Variants in NAP1L1 observed in about 807,000 individuals in gnomAD.
The protein encoded by NAP1L1 is nucleosome assembly protein 1-like 1.
Under a neutral mutation model 58.9 loss-of-function variants are expected in NAP1L1, and 9 were observed. The observed-to-expected ratio is 0.15, with a 90% CI of 0.09 to 0.27. NAP1L1 has a LOEUF of 0.27. Among genes scored for constraint, NAP1L1 ranks in the 10% least tolerant of loss-of-function variants. NAP1L1 has a pLI of 1.00. For synonymous variants in NAP1L1, 130 were observed against 138.3 expected, an observed-to-expected ratio of 0.94 and a Z score of 0.42; for missense variants, 302 against 458.8, an observed-to-expected ratio of 0.66 and a Z score of 3.12.
intron 8 of NAP1L1, among the ~76,000 whole-genome samples, chr12:76,054,171 A>T (rs1276593722): frequency 6.6e-6 from 1 of 152,188 alleles, no homozygotes; most frequent in Non-Finnish European, 1.5e-5. Flanking sequence ...CTGGGATTAT[A>T]GGTGTGTGCC....
intron 11 of NAP1L1, among the ~76,000 whole-genome samples, chr12:76,051,813 A>C (rs571124723): frequency 1.4e-4 from 21 of 152,104 alleles, no homozygotes; most frequent in Non-Finnish European, 3.1e-4. Flanking sequence ...TCAGGAGTTC[A>C]AGACCAGCCT....
intron 9 of NAP1L1, 104 bp from the exon 10 acceptor site, chr12:76,053,454 A>G: frequency 7.6e-7 from 1 of 1,319,042 alleles, no homozygotes; most frequent in Non-Finnish European, 1.0e-6. Flanking sequence ...AGAAGGGTGA[A>G]TTGCTTCAAA....
chr12:76,053,740 A>C (rs549436398), intron 9 of NAP1L1, 30 bp downstream of exon 9: 1,202 of 1,594,724 alleles, frequency 7.5e-4, no homozygotes, highest in South Asian at 1.2e-3. Context: ...CAGAAAAAAC[A>C]TTTTGTTAAG....
At chr12:76,050,406 T>A (rs981624506) in intron 12 of NAP1L1, 125 bp downstream of exon 12, 33 of 1,198,914 alleles carry the variant, frequency 2.8e-5, no homozygotes, top group Admixed American at 5.6e-5. Context: ...ATACAGAACA[T>A]CAGTAATTAG....
At chr12:76,059,655 C>T (rs569174762) in intron 6 of NAP1L1, 143 bp downstream of exon 6, 9 of 607,264 alleles carry the variant, frequency 1.5e-5, no homozygotes, top group South Asian at 1.1e-4. Flanking sequence ...AATAGAAAAA[C>T]GTGTAATAAA....
At position 76,039,015 on chromosome 12, in the gene NAP1L1, T is replaced by A. The variant is rs796150387; in HGVS notation, c.*9414A>T. ...GGACTCCAATCATAATTAATCCTTT[T>A]GGGCCGTATTTAAAGAAAATTACTT... On this transcript the variant is annotated 3_prime_UTR_variant, in exon 15 of 15. Transcript: ENST00000618691. 6.6e-6 allele frequency: 1 copy of A among 152,202 alleles called. No individual in the cohort carries two copies. The highest frequency in any genetic ancestry group is 1.5e-5 in the Non-Finnish European group (1 of 68,036). 9.4% of individuals were successfully genotyped at this position (152,202 alleles called of 1,614,324 possible).
intron 13 of NAP1L1, 83 bp from the exon 14 acceptor site, chr12:76,049,333 G>A: frequency 6.2e-7 from 1 of 1,604,748 alleles, no homozygotes; most frequent in Non-Finnish European, 8.5e-7. Flanking sequence ...TTTAATACAA[G>A]TTACTCTACG....
At chr12:76,077,910 G>A (rs1335709337) in intron 1 of NAP1L1, among the ~76,000 whole-genome samples, 2 of 144,606 alleles carry the variant, frequency 1.4e-5, no homozygotes, top group Non-Finnish European at 3.0e-5. Flanking sequence ...CTTGAACCCA[G>A]AGGAGGAGGC....
intron 1 of NAP1L1, among the ~76,000 whole-genome samples, chr12:76,076,555 T>TATATATATATAG (rs1950183877): frequency 1.4e-4 from 1 of 7,276 alleles, no homozygotes; most frequent in Non-Finnish European, 3.2e-4. Flanking sequence ...TGGAAATATA[T>TATATATATATAG]ATATATATAT....
At chr12:76,062,846 C>T (rs1455535681) in intron 4 of NAP1L1, among the ~76,000 whole-genome samples, 1 of 152,108 alleles carries the variant, frequency 6.6e-6, no homozygotes, top group African/African-American at 2.4e-5. Flanking sequence ...TACTCTGCTT[C>T]CTAGACATGT....
intron 6 of NAP1L1, chr12:76,058,180 G>C (rs1173309933): frequency 1.9e-6 from 1 of 537,024 alleles, no homozygotes; most frequent in African/African-American, 2.5e-5. Context: ...TATGGCCAAA[G>C]GGAGAGAGGC....
At position 76,041,869 on chromosome 12, in the gene NAP1L1, G is replaced by C. The variant is rs1208370590; in HGVS notation, c.*6560C>G. On this transcript the variant is annotated 3_prime_UTR_variant, in exon 15 of 15. Transcript: ENST00000618691. Reference sequence around the variant, plus strand: ...GGGATAACCTGAATAATGACAATTTGGGTATTCTGAAGCATGAGAAATCCA... The same window carrying C: ...GGGATAACCTGAATAATGACAATTTCGGTATTCTGAAGCATGAGAAATCCA... 1 of 152,150 alleles carries C rather than the reference G, an allele frequency of 6.6e-6. No homozygotes were observed. Among genetic ancestry groups the C allele is most frequent in the Non-Finnish European group, 1.5e-5 (1 of 68,034 alleles). The allele number at this position is 152,150 out of a possible 1,614,324, so 9.4% of individuals were successfully genotyped here.
Position 76,084,641 on chromosome 12 carries a change from G to A in NAP1L1, c.-95C>T, listed in dbSNP as rs529480264. On this transcript the variant is annotated 5_prime_UTR_variant, in exon 1 of 15. Coordinates refer to ENST00000618691, the MANE Select transcript of NAP1L1 (RefSeq NM_004537.7). ...TCAGGGCGGCAGCGGCAGCAGCAGC[G>A]GGAGGAGCAGGAGGCGGCGCCGCGA... 10 of 154,144 alleles carry A rather than the reference G, an allele frequency of 6.5e-5. No individual in the cohort carries two copies. Among genetic ancestry groups the A allele is most frequent in the Middle Eastern group, 3.3e-3 (1 of 304 alleles). 9.5% of individuals were successfully genotyped at this position (154,144 alleles called of 1,614,324 possible).
chr12:76,076,776 T>C (rs1162493570), intron 1 of NAP1L1, among the ~76,000 whole-genome samples: 2 of 152,024 alleles, frequency 1.3e-5, no homozygotes, highest in East Asian at 3.9e-4. Flanking sequence ...TGGGTGATTG[T>C]ATTGTTGTTC....
rs892386701 is a variant in NAP1L1 at position 76,039,020 on chromosome 12, C to T, written c.*9409G>A. ...CCAATCATAATTAATCCTTTTGGGC[C>T]GTATTTAAAGAAAATTACTTTTCTT... On this transcript the variant is annotated 3_prime_UTR_variant, in exon 15 of 15. Transcript: ENST00000618691. The T allele has an allele frequency of 3.3e-5, 5 of 152,036 alleles. No homozygotes were observed. Among genetic ancestry groups the T allele is most frequent in the African/African-American group, 7.2e-5 (3 of 41,386 alleles). The allele number at this position is 152,036 out of a possible 1,614,324, so 9.4% of individuals were successfully genotyped here.
At chr12:76,072,683 CAT>C (rs1464841648) in intron 2 of NAP1L1, among the ~76,000 whole-genome samples, 1 of 152,084 alleles carries the variant, frequency 6.6e-6, no homozygotes, top group East Asian at 1.9e-4. Flanking sequence ...TGTAAATGTA[CAT>C]ATTTCTTAAT....
At chr12:76,081,724 A>G (rs1329812418) in intron 1 of NAP1L1, among the ~76,000 whole-genome samples, 1 of 152,196 alleles carries the variant, frequency 6.6e-6, no homozygotes, top group African/African-American at 2.4e-5. Context: ...CCACTAATGT[A>G]CTCTAATGTT....
chr12:76,076,909 G>C (rs1244394767), intron 1 of NAP1L1, among the ~76,000 whole-genome samples: 1 of 152,040 alleles, frequency 6.6e-6, no homozygotes, highest in Non-Finnish European at 1.5e-5. Flanking sequence ...GAATACCATA[G>C]GCAACTTTAA....
chr12:76,067,588 A>G (rs1592672672), intron 3 of NAP1L1, 115 bp from the exon 4 acceptor site: 1 of 724,386 alleles, frequency 1.4e-6, no homozygotes, highest in East Asian at 2.7e-5. Flanking sequence ...TTGCTGGTAT[A>G]TCTAATGAGT....
Sources: allele counts gnomAD v4.1 joint callset (sites outside exome capture counted in the v4.1 genomes callset), GRCh38; gene constraint gnomAD v4.1.1; transcripts MANE v1.5; gene names NCBI Gene and HGNC (gene_info 2026-07-23, HGNC 2026-07-21).